Variants in CD38 observed in about 807,000 individuals in gnomAD.
The protein encoded by CD38 is ADP-ribosyl cyclase/cyclic ADP-ribose hydrolase 1.
Under a neutral mutation model 36.3 loss-of-function variants are expected in CD38, and 31 were observed. The ratio of observed to expected loss-of-function variants is 0.85; its 90% CI spans 0.64 to 1.15. The LOEUF (loss-of-function observed/expected upper bound fraction) is 1.15. Ranked by LOEUF, CD38 falls within the 50% of genes most tolerant of loss-of-function variation. The pLI, the probability that CD38 is intolerant of heterozygous loss-of-function variation, is 0.00. For missense variants in CD38, 380 were observed against 371.9 expected, an observed-to-expected ratio of 1.02 and a Z score of -0.18; for synonymous variants, 131 against 135.2, an observed-to-expected ratio of 0.97 and a Z score of 0.22.
In CD38 at chr4:15,778,641, A is replaced by C; in HGVS notation, c.227A>C (p.Glu76Ala). ...GTCAAGTACACTGAAATTCATCCTG[A>C]GATGAGGTGGGTTGGCGACTAAGGC... ...RCVKYTEIHP[E>A]MRHVDCQSVW... Residue 76 changes from glutamate to alanine, a missense_variant, in exon 1 of 8, where the codon GAG becomes GCG. Physicochemically the swap from Glu to Ala is moderately radical, Grantham distance 107. Coordinates refer to ENST00000226279, the MANE Select transcript of CD38 (RefSeq NM_001775.4). This position sits in a 1 kb window ranked among gnomAD's most constrained non-coding sequence, Gnocchi z 4.9. 6.2e-7 allele frequency: 1 copy of C among 1,608,978 alleles called. No homozygotes were observed. Among genetic ancestry groups the C allele is most frequent in the Non-Finnish European group, 8.5e-7 (1 of 1,175,824 alleles).
At chr4:15,797,948 A>G (rs933067360) in intron 1 of CD38, among the ~76,000 whole-genome samples, 1 of 152,182 alleles carries the variant, frequency 6.6e-6, no homozygotes, top group African/African-American at 2.4e-5. Context: ...TAGGATTTCA[A>G]CATCGTTTGG....
At chr4:15,840,598 T>C in intron 7 of CD38, 60 bp downstream of exon 7, 2 of 991,012 alleles carry the variant, frequency 2.0e-6, no homozygotes, top group Non-Finnish European at 3.2e-6. Flanking sequence ...AATTTCCTTT[T>C]TTCCTTAGCC....
intron 3 of CD38, among the ~76,000 whole-genome samples, chr4:15,828,817 C>T (rs1262107947): frequency 3.3e-5 from 5 of 152,246 alleles, no homozygotes; most frequent in Non-Finnish European, 5.9e-5. Context: ...GATTTGAAAT[C>T]TTTTGGGTAA....
rs1344903246 is a variant in CD38 at position 15,799,877 on chromosome 4, C to T, written c.234-16634C>T. On this transcript the variant is annotated intron_variant, in intron 1 of 7. Transcript: ENST00000226279. ...AACCACAGATAAAACAGCTCAGGCA[C>T]AGAGGGAGGAGGGAGAAAAGTCTCT... Among the ~76,000 whole-genome samples the T allele has an allele frequency of 2.0e-5, 3 of 152,134 alleles. No individual in the cohort carries two copies. In the East Asian group the frequency reaches 5.8e-4, roughly 29 times the overall value.
At chr4:15,804,412 C>G (rs1236739173) in intron 1 of CD38, among the ~76,000 whole-genome samples, 1 of 152,158 alleles carries the variant, frequency 6.6e-6, no homozygotes, top group Non-Finnish European at 1.5e-5. Flanking sequence ...ATCCAGTAAT[C>G]TCGCTACTGG....
chr4:15,829,796 A>C (rs1240757393), intron 3 of CD38, among the ~76,000 whole-genome samples: 6 of 152,134 alleles, frequency 3.9e-5, no homozygotes, highest in Non-Finnish European at 7.4e-5. Context: ...CCATGAGATC[A>C]GTTGTTTTGA....
At chr4:15,836,590 G>A (rs1724074062) in intron 4 of CD38, among the ~76,000 whole-genome samples, 1 of 152,180 alleles carries the variant, frequency 6.6e-6, no homozygotes, top group Non-Finnish European at 1.5e-5. Context: ...CAGAAGTTAA[G>A]TGACTCATCC....
At chr4:15,847,763 G>A (rs73114502) in intron 7 of CD38, among the ~76,000 whole-genome samples, 2,313 of 152,186 alleles carry the variant, frequency 0.015, 62 homozygotes, top group African/African-American at 0.053. Context: ...TTTGTCTTAT[G>A]AAACATTAAC....
At chr4:15,797,941 G>C (rs1174209690) in intron 1 of CD38, among the ~76,000 whole-genome samples, 2 of 152,120 alleles carry the variant, frequency 1.3e-5, no homozygotes, top group East Asian at 1.9e-4. Flanking sequence ...TGGGTGTTAG[G>C]ATTTCAACAT....
chr4:15,824,084 G>C (rs567887182), intron 2 of CD38, among the ~76,000 whole-genome samples: 1 of 152,116 alleles, frequency 6.6e-6, no homozygotes, highest in African/African-American at 2.4e-5. Flanking sequence ...ACTTATAAGT[G>C]GGAGCTGAAC....
chr4:15,782,067 CCCTT>C (rs894318653), intron 1 of CD38, among the ~76,000 whole-genome samples: 1 of 152,150 alleles, frequency 6.6e-6, no homozygotes, highest in Non-Finnish European at 1.5e-5. Context: ...GGTCAGGCCT[CCCTT>C]CCTCTCTGTG....
intron 5 of CD38, 42 bp downstream of exon 5, chr4:15,838,207 C>G (rs763124131): frequency 7.5e-7 from 1 of 1,334,734 alleles, no homozygotes; most frequent in Non-Finnish European, 1.1e-6. Flanking sequence ...TATCCTGTTG[C>G]AAATATCACA....
At chr4:15,810,655 A>T (rs147795361) in intron 1 of CD38, among the ~76,000 whole-genome samples, 2 of 152,326 alleles carry the variant, frequency 1.3e-5, no homozygotes, top group African/African-American at 4.8e-5. Context: ...GGAGAAAACC[A>T]GGTTGATAAT....
At chr4:15,791,017 C>A (rs1416978992) in intron 1 of CD38, among the ~76,000 whole-genome samples, 1 of 144,190 alleles carries the variant, frequency 6.9e-6, no homozygotes, top group East Asian at 2.1e-4. Context: ...CGTCTCCGCC[C>A]GGCAGCCACC....
At chr4:15,784,141 G>T (rs1273506534) in intron 1 of CD38, among the ~76,000 whole-genome samples, 1 of 152,198 alleles carries the variant, frequency 6.6e-6, no homozygotes, top group Non-Finnish European at 1.5e-5. Flanking sequence ...CATTGCTTCT[G>T]TGCAGTTAGT....
At position 15,824,918 on chromosome 4, in the gene CD38, A is replaced by G. The variant is rs1723815222; in HGVS notation, c.401A>G (p.Gln134Arg). 6 of 1,613,764 alleles carry G rather than the reference A, an allele frequency of 3.7e-6. No homozygotes were observed. Among genetic ancestry groups the G allele is most frequent in the Non-Finnish European group, 5.1e-6 (6 of 1,179,710 alleles). ...AGCAGAATAAAAGATCTGGCCCATCAGTTCACACAGGTCCAGCGGGACATG... is the reference window on the plus strand; with the variant it reads ...AGCAGAATAAAAGATCTGGCCCATCGGTTCACACAGGTCCAGCGGGACATG... ...LWSRIKDLAH[Q>R]FTQVQRDMFT... Residue 134 changes from glutamine (Q) to arginine (R), a missense_variant, in exon 3 of 8, where the codon CAG becomes CGG. Transcript: ENST00000226279.
At chr4:15,847,611 A>C (rs1288115884) in intron 7 of CD38, among the ~76,000 whole-genome samples, 5 of 121,606 alleles carry the variant, frequency 4.1e-5, no homozygotes, top group African/African-American at 1.4e-4. Flanking sequence ...AAAAAAAAAA[A>C]AAAAAAAAAA....
At chr4:15,784,064 G>A (rs1043836576) in intron 1 of CD38, among the ~76,000 whole-genome samples, 5 of 152,170 alleles carry the variant, frequency 3.3e-5, no homozygotes, top group African/African-American at 1.2e-4. Context: ...ACAGAGCAAC[G>A]CAACACCATG....
chr4:15,839,908 G>C (rs1724163792), intron 5 of CD38, 118 bp from the exon 6 acceptor site: 4 of 714,864 alleles, frequency 5.6e-6, no homozygotes, highest in South Asian at 4.8e-5. Context: ...GCAATTTGAT[G>C]TGTCAACTCT....
Sources: gnomAD v4.1 joint callset for allele counts (sites outside exome capture counted in the v4.1 genomes callset) on GRCh38, gnomAD v4.1.1 for gene constraint, Gnocchi (gnomAD v3.1) non-coding constraint, MANE v1.5 for transcripts, NCBI Gene and HGNC (gene_info 2026-07-23, HGNC 2026-07-21) for gene names.